The following ACTR3 variants were observed in gnomAD, a reference collection of about 807,000 sequenced individuals.
The protein encoded by ACTR3 is actin-related protein 3.
ACTR3 carries 12 observed loss-of-function variants against 56.8 expected under a neutral mutation model. The ratio of observed to expected loss-of-function variants is 0.21; its 90% CI spans 0.14 to 0.34. ACTR3 has a LOEUF of 0.34. ACTR3 is among the 10% of genes least tolerant of loss of function. The probability of loss-of-function intolerance (pLI) is 1.00; values close to 1 mark genes in which losing one functional copy is unlikely to be tolerated. For missense variants in ACTR3, 282 were observed against 512.5 expected, an observed-to-expected ratio of 0.55 and a Z score of 4.34; for synonymous variants, 162 against 167.4, an observed-to-expected ratio of 0.97 and a Z score of 0.25.
chr2:113,944,584 TAAAAAAAAAAAA>T (rs34378884), intron 8 of ACTR3, among the ~76,000 whole-genome samples: 1 of 57,992 alleles, frequency 1.7e-5, no homozygotes, highest in Non-Finnish European at 3.0e-5. Context: ...CCGTCTCTAC[TAAAAAAAAAAAA>T]AAAAAAAAAA....
At chr2:113,910,241 A>G (rs1056348763) in intron 1 of ACTR3, among the ~76,000 whole-genome samples, 4 of 151,126 alleles carry the variant, frequency 2.6e-5, no homozygotes, top group African/African-American at 9.9e-5. Context: ...AGCCTCTATA[A>G]AAACCCAAAG....
intron 2 of ACTR3, among the ~76,000 whole-genome samples, chr2:113,914,948 G>C (rs1218673433): frequency 6.6e-6 from 1 of 152,112 alleles, no homozygotes; most frequent in Non-Finnish European, 1.5e-5. Context: ...TGAAGAATAG[G>C]TTTGCTTTTC....
At chr2:113,900,798 AG>A (rs1679086025) in intron 1 of ACTR3, among the ~76,000 whole-genome samples, 1 of 152,194 alleles carries the variant, frequency 6.6e-6, no homozygotes, top group Admixed American at 6.5e-5. Flanking sequence ...TTAGGCTTGA[AG>A]GGACCAGGAG....
chr2:113,938,331 G>T (rs982906888), intron 6 of ACTR3, among the ~76,000 whole-genome samples: 2 of 151,956 alleles, frequency 1.3e-5, no homozygotes, highest in African/African-American at 4.8e-5. Context: ...GTTAAGTGTT[G>T]TGTTTTTCCG....
chr2:113,894,412 C>T (rs923972508), intron 1 of ACTR3, among the ~76,000 whole-genome samples: 2 of 152,166 alleles, frequency 1.3e-5, no homozygotes, highest in African/African-American at 2.4e-5. Context: ...ATTTCTTTAG[C>T]CATCTCCAAA....
At chr2:113,951,337 T>C (rs111511616) in intron 8 of ACTR3, 142 bp from the exon 9 acceptor site, 1 of 538,972 alleles carries the variant, frequency 1.9e-6, no homozygotes, top group Non-Finnish European at 3.4e-6. Context: ...TTTCAGTGTC[T>C]TCAATCTGAA....
chr2:113,924,874 C>T (rs1679587737), intron 3 of ACTR3, among the ~76,000 whole-genome samples: 1 of 148,882 alleles, frequency 6.7e-6, no homozygotes, highest in African/African-American at 2.5e-5. Flanking sequence ...AGGTGGTCAT[C>T]TTATTCAAGG....
Position 113,951,482 on chromosome 2 carries a change from G to T in ACTR3, c.862G>T (p.Ala288Ser). 1 of 1,603,918 alleles carries T rather than the reference G, an allele frequency of 6.2e-7. No individual in the cohort carries two copies. The highest frequency in any genetic ancestry group is 8.5e-7 in the Non-Finnish European group (1 of 1,171,492). ...ATATATCCAACTTATTTTTCAGTTTGCTAATCCAGACTTTACACAACCTAT... is the reference window on the plus strand; with the variant it reads ...ATATATCCAACTTATTTTTCAGTTTTCTAATCCAGACTTTACACAACCTAT... Reference protein sequence around the residue: ...GPEIFFHPEFANPDFTQPISE... With the variant: ...GPEIFFHPEFSNPDFTQPISE... The change falls in exon 9 of 12, where the codon GCT (alanine) becomes TCT (serine). Residue 288 changes from alanine to serine, a missense_variant. Physicochemically the swap from Ala to Ser is moderately conservative, Grantham distance 99 (BLOSUM62 1). Transcript: ENST00000263238.
chr2:113,920,539 A>G (rs1679488625), intron 3 of ACTR3, among the ~76,000 whole-genome samples: 1 of 152,224 alleles, frequency 6.6e-6, no homozygotes, highest in Admixed American at 6.5e-5. Context: ...AAAATATATA[A>G]TAAATTAACT....
chr2:113,902,022 T>C (rs947715748), intron 1 of ACTR3, among the ~76,000 whole-genome samples: 5 of 152,226 alleles, frequency 3.3e-5, no homozygotes, highest in African/African-American at 1.2e-4. Context: ...GTACAATCAA[T>C]AATATAACAG....
At chr2:113,905,476 A>T (rs1211755558) in intron 1 of ACTR3, among the ~76,000 whole-genome samples, 2 of 152,070 alleles carry the variant, frequency 1.3e-5, no homozygotes, top group Non-Finnish European at 2.9e-5. Flanking sequence ...AAAAAAAAAA[A>T]AAATTTTTTT....
At chr2:113,939,469 T>C (rs1427940823) in intron 6 of ACTR3, among the ~76,000 whole-genome samples, 1 of 152,228 alleles carries the variant, frequency 6.6e-6, no homozygotes, top group Non-Finnish European at 1.5e-5. Context: ...TTGTTATACT[T>C]CTGACACATC....
At chr2:113,893,621 A>G (rs1216294489) in intron 1 of ACTR3, among the ~76,000 whole-genome samples, 1 of 151,938 alleles carries the variant, frequency 6.6e-6, no homozygotes, top group Non-Finnish European at 1.5e-5. Flanking sequence ...GCATGTTTTT[A>G]CTCAAGTTTC....
intron 1 of ACTR3, chr2:113,890,642 C>G: frequency 8.0e-7 from 1 of 1,257,628 alleles, no homozygotes; most frequent in Non-Finnish European, 1.0e-6. Flanking sequence ...GGACGGTCGT[C>G]TTGGGGGTGG....
At chr2:113,892,439 C>T (rs1559450726) in intron 1 of ACTR3, among the ~76,000 whole-genome samples, 1 of 152,186 alleles carries the variant, frequency 6.6e-6, no homozygotes, top group Non-Finnish European at 1.5e-5. Flanking sequence ...CTCTCTTTTA[C>T]CATTTGTCAC....
chr2:113,941,892 G>A (rs1679930016), intron 7 of ACTR3, among the ~76,000 whole-genome samples: 1 of 152,092 alleles, frequency 6.6e-6, no homozygotes, highest in Non-Finnish European at 1.5e-5. Context: ...AATGTTGAAT[G>A]ACATTAGTGA....
chr2:113,952,279 T>C (rs1370104692), intron 10 of ACTR3: 3 of 157,050 alleles, frequency 1.9e-5, no homozygotes, highest in Admixed American at 6.2e-5. Context: ...CCTCAAAGTG[T>C]GCAGTCAAAT....
intron 1 of ACTR3, among the ~76,000 whole-genome samples, chr2:113,896,293 A>G (rs754695259): frequency 4.9e-4 from 74 of 152,072 alleles, no homozygotes; most frequent in Non-Finnish European, 6.2e-4. Context: ...TTCAGTTCTT[A>G]AAGAAAGGAA....
intron 5 of ACTR3, among the ~76,000 whole-genome samples, chr2:113,931,969 C>T (rs146968009): frequency 6.8e-6 from 1 of 146,092 alleles, no homozygotes; most frequent in Non-Finnish European, 1.5e-5. Context: ...TTCATTATTT[C>T]TATTAAATGT....
Sources: gnomAD v4.1 joint callset for allele counts (sites outside exome capture counted in the v4.1 genomes callset) on GRCh38, gnomAD v4.1.1 for gene constraint, MANE v1.5 for transcripts, NCBI Gene and HGNC (gene_info 2026-07-23, HGNC 2026-07-21) for gene names.